The following SPTBN1 variants were observed in gnomAD, a reference collection of about 807,000 sequenced individuals.
The protein encoded by SPTBN1 is spectrin beta, non-erythrocytic 1.
A neutral mutation model predicts 266.4 loss-of-function variants in SPTBN1; 32 were observed. That is an observed-to-expected ratio of 0.12 (90% CI 0.09 to 0.16). The LOEUF is 0.16. Ranked by LOEUF, SPTBN1 falls within the 10% of genes least tolerant of loss-of-function variation. The pLI is 1.00. For missense variants in SPTBN1, 2,296 were observed against 3,067.1 expected (o/e 0.75, Z 5.94); for synonymous variants, 1,336 against 1,162.2 (o/e 1.15, Z -3.04).
intron 17 of SPTBN1, among the ~76,000 whole-genome samples, chr2:54,636,604 A>G (rs189932126): frequency 4.1e-4 from 62 of 152,318 alleles, no homozygotes; most frequent in African/African-American, 1.4e-3. Context: ...GTGTTCACCA[A>G]GCTGCTCTTA....
intron 34 of SPTBN1, among the ~76,000 whole-genome samples, chr2:54,666,483 G>A (rs1681376634): frequency 6.6e-6 from 1 of 152,180 alleles, no homozygotes; most frequent in Non-Finnish European, 1.5e-5. Context: ...GAATTATCTG[G>A]AGATGGGTCA....
At position 54,668,924 on chromosome 2, in the gene SPTBN1, G is replaced by A. The variant is rs1328030821; in HGVS notation, c.*355G>A. 7.9e-6 allele frequency: 2 copies of A among 251,624 alleles called. No homozygotes were observed. Among genetic ancestry groups the A allele is most frequent in the African/African-American group, 2.3e-5 (1 of 43,310 alleles). 15.6% of individuals were successfully genotyped at this position (251,624 alleles called of 1,614,324 possible). On this transcript the variant is annotated 3_prime_UTR_variant, in exon 36 of 36. Transcript: ENST00000356805. ...CAGCGGTGCTTAATCAATATTTCCT[G>A]TGCTCACCAGAGGCAAAATGTACCA...
chr2:54,599,341 G>A, intron 3 of SPTBN1, 98 bp downstream of exon 3: 1 of 1,427,938 alleles, frequency 7.0e-7, no homozygotes, highest in Non-Finnish European at 9.7e-7. Context: ...GCACTTAATG[G>A]TTGATAGTTT....
At chr2:54,513,445 C>T (rs68134840) in intron 1 of SPTBN1, among the ~76,000 whole-genome samples, 45,702 of 151,992 alleles carry the variant, frequency 0.3, 8,303 homozygotes, top group East Asian at 0.45. Flanking sequence ...TGCTTTATTG[C>T]TCCTGTGTTG....
intron 2 of SPTBN1, among the ~76,000 whole-genome samples, chr2:54,531,810 CA>C (rs1282982848): frequency 6.6e-6 from 1 of 151,954 alleles, no homozygotes; most frequent in Non-Finnish European, 1.5e-5. Context: ...CCAGAAACAT[CA>C]GCGTGATGAT....
Position 54,664,168 on chromosome 2 carries a change from G to T in SPTBN1, c.6421-285G>T. On this transcript the variant is annotated intron_variant, in intron 32 of 35. Transcript: ENST00000356805. This position sits in a 1 kb window ranked among gnomAD's most constrained non-coding sequence, Gnocchi z 5.6. The stretch of plus-strand genomic sequence containing the variant: ...TTTTGTTTTAAAGTAACCATAAGAG[G>T]AGATGATCTGAGTTATATTTATTGA... The T allele has an allele frequency of 3.2e-6, 1 of 309,372 alleles. No homozygotes were observed. Among genetic ancestry groups the T allele is most frequent in the Non-Finnish European group, 5.9e-6 (1 of 168,822 alleles). 19.2% of individuals were successfully genotyped at this position (309,372 alleles called of 1,614,324 possible).
At chr2:54,468,460 A>G (rs890195793) in intron 1 of SPTBN1, among the ~76,000 whole-genome samples, 5 of 152,096 alleles carry the variant, frequency 3.3e-5, no homozygotes, top group Non-Finnish European at 7.4e-5. Context: ...CAATCCTCCA[A>G]TCTTAAACTG....
intron 10 of SPTBN1, 124 bp from the exon 11 acceptor site, chr2:54,624,680 G>A: frequency 7.1e-7 from 1 of 1,400,150 alleles, no homozygotes; most frequent in Admixed American, 2.3e-5. Context: ...GAGTGGGAAT[G>A]GGATTTCCCA....
At chr2:54,496,813 A>G (rs921400861) in intron 1 of SPTBN1, among the ~76,000 whole-genome samples, 1 of 152,226 alleles carries the variant, frequency 6.6e-6, no homozygotes, top group Non-Finnish European at 1.5e-5. Flanking sequence ...GGGAGGGTCC[A>G]TTTCTGTAGA....
In SPTBN1 at chr2:54,554,239, G is replaced by T. The variant is rs1376055063; in HGVS notation, c.148+27673G>T. On this transcript the variant is annotated intron_variant, in intron 2 of 35. Coordinates refer to ENST00000356805, the MANE Select transcript of SPTBN1 (RefSeq NM_003128.3). This position sits in a 1 kb window ranked among gnomAD's most constrained non-coding sequence, Gnocchi z 4.5. ...TGAGCATATGGGAGAAACAGCAGAG[G>T]TGGGGAGATGGGGAGCACGCTGACT... Among the ~76,000 whole-genome samples the T allele has an allele frequency of 6.6e-6, 1 of 152,208 alleles. No homozygotes were observed. Among genetic ancestry groups the T allele is most frequent in the African/African-American group, 2.4e-5 (1 of 41,450 alleles).
At chr2:54,560,422 C>A (rs1028940533) in intron 2 of SPTBN1, among the ~76,000 whole-genome samples, 2 of 152,036 alleles carry the variant, frequency 1.3e-5, no homozygotes, top group Non-Finnish European at 2.9e-5. Context: ...AGGAGTGCAC[C>A]CCTAGGCCCA....
intron 2 of SPTBN1, among the ~76,000 whole-genome samples, chr2:54,576,395 C>T (rs1166149057): frequency 2.0e-5 from 3 of 152,138 alleles, no homozygotes; most frequent in African/African-American, 7.2e-5. Flanking sequence ...TAATTAATAA[C>T]TTAAAGCTGG....
At chr2:54,652,365 C>T (rs1012429470) in intron 26 of SPTBN1, among the ~76,000 whole-genome samples, 21 of 152,146 alleles carry the variant, frequency 1.4e-4, no homozygotes, top group Admixed American at 2.0e-4. Flanking sequence ...ACGTTGTCTT[C>T]CACTTCATTG....
chr2:54,542,367 G>A (rs984132010), intron 2 of SPTBN1, among the ~76,000 whole-genome samples: 6 of 152,240 alleles, frequency 3.9e-5, no homozygotes, highest in Admixed American at 2.6e-4. Flanking sequence ...AGGAGTGAAC[G>A]AGGAGTGCCG....
intron 1 of SPTBN1, among the ~76,000 whole-genome samples, chr2:54,468,775 A>C (rs905106707): frequency 3.3e-5 from 5 of 152,242 alleles, no homozygotes; most frequent in African/African-American, 1.2e-4. Flanking sequence ...TTTTGTTCTG[A>C]AGGGAATTCC....
Position 54,666,098 on chromosome 2 carries a change from G to A in SPTBN1, c.6833+10G>A, listed in dbSNP as rs191783925. 8 of 1,604,180 alleles carry A rather than the reference G, an allele frequency of 5.0e-6. No individual in the cohort carries two copies. The highest frequency in any genetic ancestry group is 1.3e-5 in the African/African-American group (1 of 74,250). ...ACGTATTCAAGCTAAGGTGAGAGTC[G>A]CCGTGCTTCATGGCTGCCAGAGTGG... On this transcript the variant is annotated intron_variant, in intron 34 of 35. Transcript: ENST00000356805.
rs148064740 is a variant in SPTBN1, at chr2:54,570,625, T to A, written c.149-28467T>A. Among the ~76,000 whole-genome samples, 55 of 152,314 alleles carry A rather than the reference T, an allele frequency of 3.6e-4. No individual in the cohort carries two copies. In the East Asian group the frequency reaches 7.7e-3, roughly 21 times the overall value. ...AGCACTGACTGGTTGCAGGTGTGTGTGTGCATGTTGCCTGAAACTCTCTAC... is the reference window on the plus strand; with the variant it reads ...AGCACTGACTGGTTGCAGGTGTGTGAGTGCATGTTGCCTGAAACTCTCTAC... On this transcript the variant is annotated intron_variant, in intron 2 of 35. Coordinates refer to ENST00000356805, the MANE Select transcript of SPTBN1 (RefSeq NM_003128.3).
At chr2:54,471,994 T>A (rs571546429) in intron 1 of SPTBN1, among the ~76,000 whole-genome samples, 5 of 147,556 alleles carry the variant, frequency 3.4e-5, no homozygotes, top group Non-Finnish European at 7.4e-5. Flanking sequence ...GTCTTTGTAG[T>A]TTGAATAAAA....
At chr2:54,495,462 A>G (rs1219503784) in intron 1 of SPTBN1, among the ~76,000 whole-genome samples, 2 of 152,228 alleles carry the variant, frequency 1.3e-5, no homozygotes, top group Non-Finnish European at 2.9e-5. Flanking sequence ...TGCAGACTAC[A>G]TTGGAATCCT....
Sources: allele counts gnomAD v4.1 joint callset (sites outside exome capture counted in the v4.1 genomes callset), GRCh38; gene constraint gnomAD v4.1.1; non-coding constraint Gnocchi (gnomAD v3.1); transcripts MANE v1.5; gene names NCBI Gene and HGNC (gene_info 2026-07-23, HGNC 2026-07-21).